The following FBXO9 variants were observed in gnomAD, a reference collection of about 807,000 sequenced individuals.
FBXO9 encodes the protein F-box protein 9, also known as F-box only protein 9.
Under a neutral mutation model 63.7 loss-of-function variants are expected in FBXO9, and 43 were observed. That is an observed-to-expected ratio of 0.67 (90% CI 0.53 to 0.87). The LOEUF (loss-of-function observed/expected upper bound fraction) is 0.87. Ranked by LOEUF, FBXO9 falls within the 40% of genes least tolerant of loss-of-function variation. The pLI is 0.00. For missense variants in FBXO9, 442 were observed against 533.2 expected (o/e 0.83, Z 1.68); for synonymous variants, 156 against 171.7 (o/e 0.91, Z 0.72).
chr6:53,071,615 C>T (rs1469250947), intron 2 of FBXO9, among the ~76,000 whole-genome samples: 1 of 152,050 alleles, frequency 6.6e-6, no homozygotes, highest in Non-Finnish European at 1.5e-5. Context: ...TACAAATGGC[C>T]ATTAAATATT....
rs368023464 is a variant in FBXO9 at position 53,074,695 on chromosome 6, A to G, written c.249+1056A>G. Among the ~76,000 whole-genome samples the G allele has an allele frequency of 4.6e-5, 7 of 152,370 alleles. No individual in the cohort carries two copies. In the East Asian group the frequency reaches 7.7e-4, roughly 17 times the overall value. ...AATTTTGATATTCCAAGAATGTTGT[A>G]TAAGTGGAATCATCCAGTATGTAAC... On this transcript the variant is annotated intron_variant, in intron 3 of 12. Transcript: ENST00000323557.
intron 7 of FBXO9, among the ~76,000 whole-genome samples, chr6:53,089,113 G>T (rs1198888448): frequency 6.7e-6 from 1 of 150,208 alleles, no homozygotes; most frequent in Non-Finnish European, 1.5e-5. Context: ...TCGCTCTGCC[G>T]CCCAGGCTGC....
At position 53,094,019 on chromosome 6, in the gene FBXO9, T is replaced by C. The variant is rs767524100; in HGVS notation, c.1053+41T>C. ...GTAATTAATAGTTTTCTTATCTTAA[T>C]AGCCTATTCATCCAAGCAGTCTCGA... On this transcript the variant is annotated intron_variant, in intron 11 of 12. Coordinates refer to ENST00000323557, the MANE Select transcript of FBXO9 (RefSeq NM_033480.3). 2.0e-5 allele frequency: 26 copies of C among 1,301,456 alleles called. No homozygotes were observed. In the East Asian group the frequency reaches 6.4e-4, roughly 32 times the overall value. 80.6% of individuals were successfully genotyped at this position (1,301,456 alleles called of 1,614,324 possible).
At chr6:53,069,163 A>G in intron 1 of FBXO9, among the ~76,000 whole-genome samples, 1 of 152,162 alleles carries the variant, frequency 6.6e-6, no homozygotes, top group East Asian at 1.9e-4. Context: ...AAATGTTACT[A>G]TTTTCTGAAA....
Position 53,099,616 on chromosome 6 carries a change from C to T in FBXO9, c.*1786C>T, listed in dbSNP as rs1357038761. 1 of 151,918 alleles carries T rather than the reference C, an allele frequency of 6.6e-6. No individual in the cohort carries two copies. Among genetic ancestry groups the T allele is most frequent in the Non-Finnish European group, 1.5e-5 (1 of 68,110 alleles). 9.4% of individuals were successfully genotyped at this position (151,918 alleles called of 1,614,324 possible). A position where few individuals can be genotyped will look rare whatever the true frequency, so the allele number is the denominator to read the frequency against. ...AAAAAAAAATAGGCATGGTGGTACA[C>T]ACCTGTGGTCCCAGCTAGTTGGGAG... On this transcript the variant is annotated 3_prime_UTR_variant, in exon 13 of 13. Transcript: ENST00000323557.
rs140940226 is a variant in FBXO9, at chr6:53,082,231, T to C, written c.539-273T>C. 1.8e-3 allele frequency among the ~76,000 whole-genome samples: 269 copies of C among 152,328 alleles called. 1 individual carries two copies. Among genetic ancestry groups the C allele is most frequent in the Middle Eastern group, 3.4e-3 (1 of 294 alleles). The stretch of plus-strand genomic sequence containing the variant: ...ACATAGATTATTTTCCTAAAACATT[T>C]ATTTTAATATGTCTGGCAAAATAAT... On this transcript the variant is annotated intron_variant, in intron 6 of 12. Coordinates refer to ENST00000323557, the MANE Select transcript of FBXO9 (RefSeq NM_033480.3).
At chr6:53,077,702 G>A (rs1002430835) in intron 4 of FBXO9, among the ~76,000 whole-genome samples, 1 of 152,072 alleles carries the variant, frequency 6.6e-6, no homozygotes, top group African/African-American at 2.4e-5. Context: ...ATCATTCAGA[G>A]TTACTGCATT....
chr6:53,087,948 CACA>C (rs1762939462), intron 7 of FBXO9, among the ~76,000 whole-genome samples: 1 of 152,154 alleles, frequency 6.6e-6, no homozygotes. Context: ...TGAACCTTAT[CACA>C]ACTTATATTG....
intron 7 of FBXO9, among the ~76,000 whole-genome samples, chr6:53,090,131 C>G (rs1167516492): frequency 6.6e-6 from 1 of 152,060 alleles, no homozygotes; most frequent in Non-Finnish European, 1.5e-5. Flanking sequence ...AAGGGTAATG[C>G]CAGTTCAAGT....
intron 4 of FBXO9, among the ~76,000 whole-genome samples, chr6:53,078,596 A>G (rs777347561): frequency 1.3e-4 from 20 of 152,252 alleles, no homozygotes; most frequent in Non-Finnish European, 2.1e-4. Flanking sequence ...GTAAAATACA[A>G]CATCTTAAGT....
chr6:53,073,577 G>C lies in FBXO9; in HGVS notation c.187G>C (p.Gly63Arg). ...LENRPCRAAR[G>R]SLQKTSADTK... Reference sequence around the variant, plus strand: ...AAATCGACCTTGCAGAGCAGCAAGAGGCTCTCTCCAGAAAACATCGGCAGA... The same window carrying C: ...AAATCGACCTTGCAGAGCAGCAAGACGCTCTCTCCAGAAAACATCGGCAGA... Residue 63 changes from glycine to arginine, a missense_variant, in exon 3 of 13, where the codon GGC (glycine) becomes CGC (arginine). Around this residue, in one of 2 missense-constraint regions of FBXO9, gnomAD observed 180 missense variants for 171.1 expected, o/e 1.05. Transcript: ENST00000323557. The C allele has an allele frequency of 6.2e-6, 10 of 1,611,346 alleles. No homozygotes were observed. The highest frequency in any genetic ancestry group is 8.5e-6 in the Non-Finnish European group (10 of 1,178,512).
At chr6:53,090,301 T>C (rs1009625088) in intron 7 of FBXO9, among the ~76,000 whole-genome samples, 2 of 152,216 alleles carry the variant, frequency 1.3e-5, no homozygotes, top group Admixed American at 6.5e-5. Flanking sequence ...TCTGTCAGGA[T>C]TTTCTTCACA....
Position 53,100,253 on chromosome 6 carries a change from C to T in FBXO9, c.*2423C>T, listed in dbSNP as rs1480799898. 6.7e-6 allele frequency: 1 copy of T among 149,254 alleles called. No individual in the cohort carries two copies. Among genetic ancestry groups the T allele is most frequent in the Non-Finnish European group, 1.5e-5 (1 of 67,970 alleles). 9.2% of individuals were successfully genotyped at this position (149,254 alleles called of 1,614,324 possible). On this transcript the variant is annotated 3_prime_UTR_variant, in exon 13 of 13. Coordinates refer to ENST00000323557, the MANE Select transcript of FBXO9 (RefSeq NM_033480.3). Reference sequence around the variant, plus strand: ...CCTTTTTCTTCTGGTCTTTGCAAATCCTGCCGTAGAAACTTTTTAACTTCA... The same window carrying T: ...CCTTTTTCTTCTGGTCTTTGCAAATTCTGCCGTAGAAACTTTTTAACTTCA...
At chr6:53,093,049 A>G (rs1763091463) in intron 9 of FBXO9, 7 of 430,438 alleles carry the variant, frequency 1.6e-5, no homozygotes, top group East Asian at 3.5e-5. Flanking sequence ...CCCTGGGTGT[A>G]TTTACTTGCC....
intron 4 of FBXO9, 49 bp downstream of exon 4, chr6:53,076,592 C>T: frequency 4.6e-6 from 6 of 1,310,198 alleles, no homozygotes; most frequent in Non-Finnish European, 6.1e-6. Context: ...TGAATAATGA[C>T]TCTGTTATTA....
chr6:53,074,363 G>A (rs1769026010), intron 3 of FBXO9, among the ~76,000 whole-genome samples: 1 of 152,070 alleles, frequency 6.6e-6, no homozygotes, highest in Admixed American at 6.5e-5. Flanking sequence ...ATAATTACAG[G>A]TCCACAGGTA....
chr6:53,066,722 C>A (rs954947927), intron 1 of FBXO9, among the ~76,000 whole-genome samples: 5 of 152,162 alleles, frequency 3.3e-5, no homozygotes, highest in African/African-American at 1.2e-4. Flanking sequence ...ATTTATTAAT[C>A]GCACCTGTGA....
chr6:53,093,071 C>G, intron 9 of FBXO9: 2 of 414,728 alleles, frequency 4.8e-6, no homozygotes, highest in Non-Finnish European at 8.5e-6. Context: ...TTTCAAATAG[C>G]TTGTGCTTTT....
chr6:53,100,851 G>T lies in FBXO9; in HGVS notation c.*3021G>T, dbSNP rs1763329553. On this transcript the variant is annotated 3_prime_UTR_variant, in exon 13 of 13. Transcript: ENST00000323557. ...TTTAATGGTAGTGTAAACGTTTTTG[G>T]AATAAACATTCCTGTGGCTAAATCT... 1 of 151,854 alleles carries T rather than the reference G, an allele frequency of 6.6e-6. No individual in the cohort carries two copies. The highest frequency in any genetic ancestry group is 6.6e-5 in the Admixed American group (1 of 15,254). The allele number at this position is 151,854 out of a possible 1,614,324, so 9.4% of individuals were successfully genotyped here. A position where few individuals can be genotyped will look rare whatever the true frequency, so the allele number is the denominator to read the frequency against.
Sources: allele counts gnomAD v4.1 joint callset (sites outside exome capture counted in the v4.1 genomes callset), GRCh38; gene constraint gnomAD v4.1.1; regional missense constraint gnomAD v4.1.1; transcripts MANE v1.5; gene names NCBI Gene and HGNC (gene_info 2026-07-23, HGNC 2026-07-21).